The following PRKACA variants were observed in gnomAD, a reference collection of about 807,000 sequenced individuals.
PRKACA encodes the protein cAMP-dependent protein kinase catalytic subunit alpha.
Under a neutral mutation model 45.8 loss-of-function variants are expected in PRKACA, and 9 were observed. The observed-to-expected ratio is 0.20, with a 90% CI of 0.12 to 0.34. The LOEUF (loss-of-function observed/expected upper bound fraction) is 0.34, where lower values mean the gene tolerates loss of function less well. Ranked by LOEUF, PRKACA falls within the 10% of genes least tolerant of loss-of-function variation. PRKACA has a pLI of 1.00. For synonymous variants in PRKACA, 160 were observed against 178.6 expected (o/e 0.90, Z 0.83); for missense variants, 238 against 458.6 (o/e 0.52, Z 4.39).
chr19:14,111,397 C>CAA (rs543039915), intron 1 of PRKACA, among the ~76,000 whole-genome samples: 24 of 128,190 alleles, frequency 1.9e-4, no homozygotes, highest in African/African-American at 5.9e-4. Flanking sequence ...AACTCTGTCT[C>CAA]AAAAAAAAAA....
chr19:14,103,236 T>G (rs1271730262), intron 3 of PRKACA, among the ~76,000 whole-genome samples: 1 of 151,956 alleles, frequency 6.6e-6, no homozygotes, highest in Admixed American at 6.6e-5. Context: ...CCTGGCGTGG[T>G]CTGGGGAAGG....
chr19:14,111,106 G>A (rs62122129), intron 1 of PRKACA, among the ~76,000 whole-genome samples: 2,146 of 152,316 alleles, frequency 0.014, 21 homozygotes, highest in Admixed American at 0.021. Context: ...GCTAGAAAGT[G>A]GTAGATGGTG....
intron 4 of PRKACA, 140 bp downstream of exon 4, chr19:14,102,675 CT>C (rs1350025683): frequency 2.7e-6 from 2 of 732,132 alleles, no homozygotes; most frequent in East Asian, 5.3e-5. Flanking sequence ...CTCCTGTCCC[CT>C]GATCTCCCTC....
intron 1 of PRKACA, among the ~76,000 whole-genome samples, chr19:14,117,079 A>G (rs1967123381): frequency 6.6e-6 from 1 of 151,512 alleles, no homozygotes. Flanking sequence ...AGGCAGACAG[A>G]CCTCATCGCA....
intron 1 of PRKACA, among the ~76,000 whole-genome samples, chr19:14,108,714 TA>T (rs956203088): frequency 2.7e-5 from 4 of 146,374 alleles, no homozygotes; most frequent in Admixed American, 6.8e-5. Flanking sequence ...CCGGCCAATT[TA>T]TTTTTTTTAA....
Position 14,093,061 on chromosome 19 carries a change from C to CCCCAAAAAAAAAAA in PRKACA, c.*50_*51insTTTTTTTTTTTGGG. The CCCCAAAAAAAAAAA allele has an allele frequency of 7.4e-7, 1 of 1,351,146 alleles. No homozygotes were observed. 83.7% of individuals were successfully genotyped at this position (1,351,146 alleles called of 1,614,324 possible). On this transcript the variant is annotated 3_prime_UTR_variant, in exon 10 of 10. Coordinates refer to ENST00000308677, the MANE Select transcript of PRKACA (RefSeq NM_002730.4). ...AATCCAACCCTCCCACCCCCCCGAC[C>CCCCAAAAAAAAAAA]AAAAAAAAGAAAAAAGAAAAAAGAA...
intron 8 of PRKACA, among the ~76,000 whole-genome samples, chr19:14,094,633 C>T (rs1977191476): frequency 6.6e-6 from 1 of 152,186 alleles, no homozygotes; most frequent in Non-Finnish European, 1.5e-5. Flanking sequence ...ACAGCTCTTC[C>T]TAGGTCACAT....
intron 5 of PRKACA, among the ~76,000 whole-genome samples, chr19:14,099,809 C>T (rs1361310652): frequency 1.3e-5 from 2 of 151,584 alleles, no homozygotes; most frequent in East Asian, 1.9e-4. Flanking sequence ...ACATATAAAA[C>T]TGTCCACCTA....
chr19:14,098,996 A>G (rs1045615177), intron 5 of PRKACA, among the ~76,000 whole-genome samples: 1 of 152,148 alleles, frequency 6.6e-6, no homozygotes, highest in Non-Finnish European at 1.5e-5. Context: ...TATCTAAAAT[A>G]CAACTACAAG....
intron 1 of PRKACA, chr19:14,114,258 G>C: frequency 2.0e-6 from 3 of 1,493,352 alleles, no homozygotes. Flanking sequence ...CTGCCTGCAG[G>C]GGGAGCTAGG....
intron 5 of PRKACA, 38 bp downstream of exon 5, chr19:14,100,788 C>T (rs1158553186): frequency 1.9e-6 from 3 of 1,602,632 alleles, no homozygotes; most frequent in African/African-American, 2.7e-5. Flanking sequence ...CCTGTGGACA[C>T]CCTGACAGCC....
Position 14,092,290 on chromosome 19 carries a change from G to C in PRKACA, c.*822C>G. Reference sequence around the variant, plus strand: ...GGGAGAGGGGCAGCTGCTTTGTCTGGCTTTCAAAGCCCAAGGGTGAAGACA... The same window carrying C: ...GGGAGAGGGGCAGCTGCTTTGTCTGCCTTTCAAAGCCCAAGGGTGAAGACA... On this transcript the variant is annotated 3_prime_UTR_variant, in exon 10 of 10. Coordinates refer to ENST00000308677, the MANE Select transcript of PRKACA (RefSeq NM_002730.4). 1 of 227,328 alleles carries C rather than the reference G, an allele frequency of 4.4e-6. No individual in the cohort carries two copies. Among genetic ancestry groups the C allele is most frequent in the East Asian group, 8.4e-5 (1 of 11,858 alleles). 14.1% of individuals were successfully genotyped at this position (227,328 alleles called of 1,614,324 possible).
chr19:14,098,506 T>A (rs892598977), intron 5 of PRKACA: 6 of 151,578 alleles, frequency 4.0e-5, no homozygotes, highest in Non-Finnish European at 8.8e-5. Flanking sequence ...TTGATTAATT[T>A]ATTTTTTTTA....
chr19:14,094,149 C>T (rs918782670), intron 8 of PRKACA, among the ~76,000 whole-genome samples: 13 of 145,650 alleles, frequency 8.9e-5, no homozygotes, highest in African/African-American at 2.3e-4. Context: ...TAGGCGTGAG[C>T]CACCACACCC....
intron 8 of PRKACA, among the ~76,000 whole-genome samples, chr19:14,096,012 T>C (rs1977239278): frequency 6.9e-6 from 1 of 144,754 alleles, no homozygotes; most frequent in Admixed American, 6.9e-5. Flanking sequence ...GGGTGCACCA[T>C]CACGCCCAGC....
intron 1 of PRKACA, among the ~76,000 whole-genome samples, chr19:14,114,754 A>G (rs547347912): frequency 2.6e-5 from 4 of 152,060 alleles, no homozygotes; most frequent in South Asian, 2.1e-4. Flanking sequence ...AGCTCTCCCA[A>G]TGGCTTTGCC....
At chr19:14,106,672 G>C (rs1977615127) in intron 3 of PRKACA, 88 bp downstream of exon 3, 7 of 1,547,228 alleles carry the variant, frequency 4.5e-6, no homozygotes, top group Non-Finnish European at 6.2e-6. Flanking sequence ...GCAAGTGAGT[G>C]AACGGGTGGA....
At chr19:14,110,344 G>A (rs1179891847) in intron 1 of PRKACA, among the ~76,000 whole-genome samples, 2 of 151,802 alleles carry the variant, frequency 1.3e-5, no homozygotes, top group Non-Finnish European at 2.9e-5. Context: ...CTGGGAGGCC[G>A]AGTTGGGGGG....
At chr19:14,098,058 A>G (rs1977317144) in intron 5 of PRKACA, 168 bp from the exon 6 acceptor site, 1 of 766,794 alleles carries the variant, frequency 1.3e-6, no homozygotes, top group Admixed American at 2.9e-5. Flanking sequence ...CTGTGGGTCC[A>G]TCCACAGGAA....
Sources: allele counts gnomAD v4.1 joint callset (sites outside exome capture counted in the v4.1 genomes callset), GRCh38; gene constraint gnomAD v4.1.1; transcripts MANE v1.5; gene names NCBI Gene and HGNC (gene_info 2026-07-23, HGNC 2026-07-21).